The following PIEZO1 variants were observed in gnomAD, a reference collection of about 807,000 sequenced individuals.
The protein encoded by PIEZO1 is piezo type mechanosensitive ion channel component 1 (Er blood group).
PIEZO1 carries 296 observed loss-of-function variants against 297.2 expected under a neutral mutation model. The observed-to-expected ratio is 1.00, with a 90% CI of 0.91 to 1.10. The LOEUF (loss-of-function observed/expected upper bound fraction) is 1.10, where lower values mean the gene tolerates loss of function less well. Ranked by LOEUF, PIEZO1 falls within the 50% of genes least tolerant of loss-of-function variation. The pLI is 0.00. For synonymous variants in PIEZO1, 2,427 were observed against 1,507.5 expected (o/e 1.61, Z -14.13); for missense variants, 5,018 against 3,455.5 (o/e 1.45, Z -11.34).
intron 30 of PIEZO1, among the ~76,000 whole-genome samples, chr16:88,724,747 G>A (rs577144378): frequency 2.0e-4 from 30 of 152,268 alleles, no homozygotes; most frequent in Middle Eastern, 3.4e-3. Context: ...AGGTGAGATC[G>A]CTGCTCGACC....
rs940709569 is a variant in PIEZO1, at chr16:88,738,303, C to G, written c.772G>C (p.Gly258Arg). The part of the protein sequence containing the change: ...LCVAVGCFGA[G>R]HLICLYCYQM... Reference sequence around the variant, plus strand: ...TAGCAGTAGAGGCAGATGAGATGGCCGGCGCCGAAGCACCCCACCGCGACG... The same window carrying G: ...TAGCAGTAGAGGCAGATGAGATGGCGGGCGCCGAAGCACCCCACCGCGACG... Residue 258 changes from glycine to arginine, a missense_variant, in exon 7 of 51, where the codon GGC becomes CGC. Physicochemically the swap from Gly to Arg is moderately radical, Grantham distance 125. Coordinates refer to ENST00000301015, the MANE Select transcript of PIEZO1 (RefSeq NM_001142864.4). 6.5e-7 allele frequency: 1 copy of G among 1,535,854 alleles called. No homozygotes were observed. The highest frequency in any genetic ancestry group is 1.2e-5 in the South Asian group (1 of 84,070).
Position 88,722,326 on chromosome 16 carries a change from T to C in PIEZO1, c.4847A>G (p.His1616Arg), listed in dbSNP as rs556733386. Residue 1616 changes from histidine to arginine, a missense_variant, in exon 36 of 51, where the codon CAC (histidine) becomes CGC (arginine). His to Arg is a conservative substitution (Grantham distance 29). Transcript: ENST00000301015. ...DMGSPLSTGY[H>R]TRSGSEEAVT... Reference sequence around the variant, plus strand: ...TGCCTCCTCACTGCCACTGCGCGTGTGGTAGCCGGTGCTCAGGGGGCTGCC... The same window carrying C: ...TGCCTCCTCACTGCCACTGCGCGTGCGGTAGCCGGTGCTCAGGGGGCTGCC... 3.2e-6 allele frequency: 5 copies of C among 1,544,378 alleles called. No homozygotes were observed. The African/African-American group carries it at 4.1e-5, about 13-fold the overall frequency.
At chr16:88,749,705 C>T (rs1039512546) in intron 1 of PIEZO1, among the ~76,000 whole-genome samples, 1 of 152,228 alleles carries the variant, frequency 6.6e-6, no homozygotes, top group Non-Finnish European at 1.5e-5. Flanking sequence ...TTTGACCCAT[C>T]TTTCTACCTT....
At chr16:88,746,938 G>T (rs1906091565) in intron 2 of PIEZO1, among the ~76,000 whole-genome samples, 1 of 152,204 alleles carries the variant, frequency 6.6e-6, no homozygotes, top group Non-Finnish European at 1.5e-5. Context: ...GACCGGGAGT[G>T]GGGGTGCCCA....
chr16:88,772,404 A>G (rs1907464742), intron 1 of PIEZO1, among the ~76,000 whole-genome samples: 1 of 152,122 alleles, frequency 6.6e-6, no homozygotes, highest in African/African-American at 2.4e-5. Context: ...ACCAACAGCC[A>G]CGCTGGAGCT....
intron 39 of PIEZO1, 63 bp downstream of exon 39, chr16:88,721,103 C>G: frequency 7.1e-7 from 1 of 1,412,872 alleles, no homozygotes; most frequent in Non-Finnish European, 9.3e-7. Flanking sequence ...GAAAGACCCT[C>G]CCTGCAGTAG....
intron 35 of PIEZO1, 48 bp downstream of exon 35, chr16:88,722,535 C>T: frequency 1.4e-6 from 2 of 1,451,774 alleles, no homozygotes; most frequent in Non-Finnish European, 1.8e-6. Context: ...TAGGCGATGC[C>T]CACACACCAG....
chr16:88,719,579 C>T lies in PIEZO1; in HGVS notation c.6466G>A (p.Glu2156Lys). 1.9e-6 allele frequency: 3 copies of T among 1,550,672 alleles called. No individual in the cohort carries two copies. Among genetic ancestry groups the T allele is most frequent in the Non-Finnish European group, 2.6e-6 (3 of 1,147,000 alleles). ...CCCGCCCTGGGCCCAGGCACCTTCT[C>T]TGTCTCTCGGCTGCATTTGATGATG... ...IFIIKCSRET[E>K]KKYPQPKGQK... Residue 2156 changes from glutamate to lysine, a missense_variant, in exon 44 of 51, where the codon GAG (glutamate) becomes AAG (lysine). Transcript: ENST00000301015.
At chr16:88,748,764 A>G (rs1299502645) in intron 2 of PIEZO1, among the ~76,000 whole-genome samples, 5 of 151,992 alleles carry the variant, frequency 3.3e-5, no homozygotes, top group Admixed American at 2.0e-4. Flanking sequence ...TGGGGTCTAC[A>G]ATGAAAATAA....
chr16:88,732,892 C>A, intron 19 of PIEZO1, 160 bp from the exon 20 acceptor site: 2 of 710,730 alleles, frequency 2.8e-6, no homozygotes, highest in South Asian at 3.8e-5. Context: ...GGAAGGGGAC[C>A]AGGTGTTTGA....
At chr16:88,748,253 G>C (rs143424124) in intron 2 of PIEZO1, among the ~76,000 whole-genome samples, 1 of 152,264 alleles carries the variant, frequency 6.6e-6, no homozygotes, top group Non-Finnish European at 1.5e-5. Flanking sequence ...TTGGGGACAG[G>C]TCTCTGAGTG....
chr16:88,733,219 G>C, intron 19 of PIEZO1, 59 bp downstream of exon 19: 1 of 1,453,972 alleles, frequency 6.9e-7, no homozygotes, highest in East Asian at 2.5e-5. Flanking sequence ...AGGAGGGTCG[G>C]GCTGCGAATA....
intron 10 of PIEZO1, chr16:88,737,204 G>A: frequency 3.6e-6 from 1 of 281,002 alleles, no homozygotes. Flanking sequence ...GGCCTCCTGG[G>A]GCCACTGGGC....
chr16:88,749,943 G>A (rs1427404981), intron 1 of PIEZO1, among the ~76,000 whole-genome samples: 3 of 151,960 alleles, frequency 2.0e-5, no homozygotes, highest in Non-Finnish European at 2.9e-5. Flanking sequence ...CAGAAGAATT[G>A]CTTGAAACCG....
At chr16:88,772,775 CAAAAA>C (rs59210137) in intron 1 of PIEZO1, among the ~76,000 whole-genome samples, 1 of 122,506 alleles carries the variant, frequency 8.2e-6, no homozygotes, top group Non-Finnish European at 1.7e-5. Flanking sequence ...GAGACTCTGT[CAAAAA>C]AAAAAAAAAA....
Position 88,742,354 on chromosome 16 carries a change from G to A in PIEZO1, c.229C>T (p.Leu77Phe). The A allele has an allele frequency of 2.0e-6, 3 of 1,535,464 alleles. No individual in the cohort carries two copies. Among genetic ancestry groups the A allele is most frequent in the Non-Finnish European group, 2.6e-6 (3 of 1,146,628 alleles). Residue 77 changes from leucine (L) to phenylalanine (F), a missense_variant, in exon 3 of 51, where the codon CTC becomes TTC. By Grantham distance (22) the Leu-to-Phe change is conservative (BLOSUM62 0). Transcript: ENST00000301015. ...SLLFLVAHLA[L>F]QICLHIVPRL... ...GGCACAATATGCAGGCAGATCTGGAGGGCGAGATGGGCCACCAGGAAGAGC... is the reference window on the plus strand; with the variant it reads ...GGCACAATATGCAGGCAGATCTGGAAGGCGAGATGGGCCACCAGGAAGAGC...
chr16:88,729,998 G>T (rs1212747819), intron 22 of PIEZO1, among the ~76,000 whole-genome samples: 1 of 152,284 alleles, frequency 6.6e-6, no homozygotes, highest in Non-Finnish European at 1.5e-5. Context: ...CCGCGTGGAA[G>T]GAGGCAGAAG....
intron 33 of PIEZO1, 21 bp downstream of exon 33, chr16:88,723,074 C>T: frequency 6.5e-7 from 1 of 1,546,518 alleles, no homozygotes; most frequent in Non-Finnish European, 8.7e-7. Context: ...CCTCCCACTC[C>T]CCAGCCCCGG....
At position 88,720,630 on chromosome 16, in the gene PIEZO1, G is replaced by C; in HGVS notation, c.5787C>G (p.Gly1929=). Residue 1929 remains glycine (G), a synonymous_variant, in exon 40 of 51, where the codon GGC becomes GGG. Transcript: ENST00000301015. ...CCATCACTCACAGGGACAGGCAGAA[G>C]CCCTGCAGCCGCCGCCCGGCCGCCC... ...RVRAAGRRLQ[G]FCLSLAQGTY... 1 of 1,544,114 alleles carries C rather than the reference G, an allele frequency of 6.5e-7. No homozygotes were observed.
Sources: allele counts gnomAD v4.1 joint callset (sites outside exome capture counted in the v4.1 genomes callset), GRCh38; gene constraint gnomAD v4.1.1; transcripts MANE v1.5; gene names NCBI Gene and HGNC (gene_info 2026-07-23, HGNC 2026-07-21).